The following DHX34 variants were observed in gnomAD, a reference collection of about 807,000 sequenced individuals.
DHX34 encodes DExH-box helicase 34, also known as probable ATP-dependent RNA helicase DHX34.
A neutral mutation model predicts 111.1 loss-of-function variants in DHX34; 96 were observed. The ratio of observed to expected loss-of-function variants is 0.86; its 90% confidence interval spans 0.73 to 1.02. The LOEUF is 1.02. Among genes scored for constraint, DHX34 ranks in the 50% least tolerant of loss-of-function variants. The probability of loss-of-function intolerance (pLI) is 0.00; values close to 1 mark genes in which losing one functional copy is unlikely to be tolerated. For missense variants in DHX34, 1,560 were observed against 1,579.9 expected, an observed-to-expected ratio of 0.99 and a Z score of 0.21; for synonymous variants, 688 against 670.4, an observed-to-expected ratio of 1.03 and a Z score of -0.41.
chr19:47,373,730 C>T, intron 9 of DHX34, 30 bp downstream of exon 9: 1 of 1,604,572 alleles, frequency 6.2e-7, no homozygotes, highest in Non-Finnish European at 8.5e-7. Context: ...GTAAGGCCGG[C>T]CCCACTCAGG....
At chr19:47,372,952 T>G (rs2122322333) in intron 8 of DHX34, 29 bp downstream of exon 8, 1 of 1,373,736 alleles carries the variant, frequency 7.3e-7, no homozygotes, top group Non-Finnish European at 9.6e-7. Flanking sequence ...GCCCTCTGTC[T>G]GTCACCCTGC....
At chr19:47,380,768 C>T in intron 14 of DHX34, 48 bp from the exon 15 acceptor site, 1 of 1,608,500 alleles carries the variant, frequency 6.2e-7, no homozygotes, top group Non-Finnish European at 8.5e-7. Context: ...GCTTTGGCGG[C>T]ATCTCCCTGA....
Position 47,382,422 on chromosome 19 carries a change from C to A in DHX34, c.*309C>A. On this transcript the variant is annotated 3_prime_UTR_variant, in exon 17 of 17. Transcript: ENST00000328771. ...GAGGGGCGTTAGAGCCAGCAGGGAC[C>A]TCCCATGTCTCCAGATTCCAGGTGC... 3.1e-6 allele frequency: 1 copy of A among 321,982 alleles called. No homozygotes were observed. The highest frequency in any genetic ancestry group is 5.8e-6 in the Non-Finnish European group (1 of 172,826). 19.9% of individuals were successfully genotyped at this position (321,982 alleles called of 1,614,324 possible). A position where few individuals can be genotyped will look rare whatever the true frequency, so the allele number is the denominator to read the frequency against.
intron 12 of DHX34, chr19:47,376,783 C>T (rs953864875): frequency 6.7e-7 from 1 of 1,488,142 alleles, no homozygotes; most frequent in African/African-American, 1.4e-5. Flanking sequence ...TCAACCTAAG[C>T]CAGTGTGGCT....
At chr19:47,359,468 A>G (rs1475628349) in intron 4 of DHX34, among the ~76,000 whole-genome samples, 1 of 151,232 alleles carries the variant, frequency 6.6e-6, no homozygotes, top group African/African-American at 2.4e-5. Context: ...TCTCAAAAAA[A>G]AAAAAAAAAG....
Position 47,359,449 on chromosome 19 carries a change from G to A in DHX34, c.1273-519G>A, listed in dbSNP as rs560127540. 2.7e-5 allele frequency among the ~76,000 whole-genome samples: 4 copies of A among 149,426 alleles called. No individual in the cohort carries two copies. In the East Asian group the frequency reaches 8.0e-4, roughly 30 times the overall value. On this transcript the variant is annotated intron_variant, in intron 4 of 16. Transcript: ENST00000328771. The stretch of plus-strand genomic sequence containing the variant: ...TGCACTCCATTGTAGGCCACAGAGT[G>A]GGATCCTGTCTCAAAAAAAAAAAAA...
Position 47,379,695 on chromosome 19 carries a change from C to T in DHX34, c.2707-15C>T, listed in dbSNP as rs761005952. On this transcript the variant is annotated splice_polypyrimidine_tract_variant and intron_variant, in intron 13 of 16. Coordinates refer to ENST00000328771, the MANE Select transcript of DHX34 (RefSeq NM_014681.6). ...CCTCCCACCTACTCCCTGTCTTCTG[C>T]CCCCTCTCTTTCAGTCCCTCCTGCT... The T allele has an allele frequency of 3.2e-6, 5 of 1,584,258 alleles. No homozygotes were observed. Among genetic ancestry groups the T allele is most frequent in the Non-Finnish European group, 4.3e-6 (5 of 1,157,994 alleles).
rs191807998 is a variant in DHX34 at position 47,381,496 on chromosome 19, G to A, written c.3298+172G>A. On this transcript the variant is annotated intron_variant, in intron 16 of 16. Coordinates refer to ENST00000328771, the MANE Select transcript of DHX34 (RefSeq NM_014681.6). ...TTGTCCTGAAGATCAGGAGCCCAAG[G>A]CAGGGAGAGCCTGGAGCGCCACCTC... 3.3e-5 allele frequency: 32 copies of A among 973,704 alleles called. No individual in the cohort carries two copies. The Admixed American group carries it at 8.6e-4, about 26-fold the overall frequency. 60.3% of individuals were successfully genotyped at this position (973,704 alleles called of 1,614,324 possible). A position where few individuals can be genotyped will look rare whatever the true frequency, so the allele number is the denominator to read the frequency against.
intron 6 of DHX34, among the ~76,000 whole-genome samples, chr19:47,366,010 G>A (rs1969776392): frequency 6.6e-6 from 1 of 152,154 alleles, no homozygotes; most frequent in South Asian, 2.1e-4. Context: ...TGCTGTAGGT[G>A]GGCCCATTTC....
intron 3 of DHX34, 43 bp from the exon 4 acceptor site, chr19:47,357,823 G>T: frequency 6.3e-7 from 1 of 1,588,350 alleles, no homozygotes. Flanking sequence ...GCTCTGAGCT[G>T]GAGGGACAGG....
At chr19:47,376,222 C>T (rs1286027186) in intron 11 of DHX34, 125 bp downstream of exon 11, 7 of 1,442,520 alleles carry the variant, frequency 4.9e-6, no homozygotes, top group African/African-American at 1.4e-5. Context: ...GGGCTCACAA[C>T]CCAGTGGGAG....
Position 47,374,618 on chromosome 19 carries a change from T to C in DHX34, c.2065-848T>C, listed in dbSNP as rs113010316. Among the ~76,000 whole-genome samples, 188 of 152,156 alleles carry C rather than the reference T, an allele frequency of 1.2e-3. 1 individual carries two copies. Among genetic ancestry groups the C allele is most frequent in the African/African-American group, 4.3e-3 (179 of 41,516 alleles). ...CCTGGTGTAATCCATTCTGTTTGGT[T>C]GGAGATGGGCAAGCTGAGGCCCAGA... On this transcript the variant is annotated intron_variant, in intron 9 of 16. Transcript: ENST00000328771.
At position 47,362,682 on chromosome 19, in the gene DHX34, T is replaced by C. The variant is rs112194942; in HGVS notation, c.1582T>C (p.Leu528=). The C allele has an allele frequency of 5.1e-4, 825 of 1,612,190 alleles. 1 individual carries two copies. In the African/African-American group the frequency reaches 9.9e-3, roughly 19 times the overall value. Residue 528 remains leucine (L), a synonymous_variant, in exon 6 of 17, where the codon TTG becomes CTG. Coordinates refer to ENST00000328771, the MANE Select transcript of DHX34 (RefSeq NM_014681.6). The part of the protein sequence containing the change: ...PEIRRVALDS[L]VLQMKSMSVG... ...AATTCGGAGGGTGGCCCTGGACTCG[T>C]TGGTGCTGCAGGTGAGGCATGGGCA...
At chr19:47,381,837 G>T in intron 16 of DHX34, 143 bp from the exon 17 acceptor site, 1 of 1,482,412 alleles carries the variant, frequency 6.7e-7, no homozygotes. Context: ...TTATTAATCT[G>T]GGAGGGCTTC....
intron 13 of DHX34, among the ~76,000 whole-genome samples, chr19:47,379,346 G>A (rs967901028): frequency 1.3e-5 from 2 of 152,050 alleles, no homozygotes; most frequent in Admixed American, 6.6e-5. Context: ...TAATTACAGC[G>A]CTGACTTCCG....
At position 47,382,087 on chromosome 19, in the gene DHX34, C is replaced by T. The variant is rs1311377167; in HGVS notation, c.3406C>T (p.Leu1136=). 1 of 1,614,070 alleles carries T rather than the reference C, an allele frequency of 6.2e-7. No individual in the cohort carries two copies. The change falls in exon 17 of 17, where the codon CTG becomes TTG. Residue 1136 remains leucine (L), a synonymous_variant. Transcript: ENST00000328771. ...CTTCCTCTTTACACCCACAGAGGTG[C>T]TGCGCCACCGGAAGCAGCACGTGTG... The part of the protein sequence containing the change: ...KDFLFTPTEV[L]RHRKQHV
chr19:47,372,738 C>A lies in DHX34; in HGVS notation c.1777C>A (p.Leu593Met), dbSNP rs760381927. The A allele has an allele frequency of 2.5e-6, 4 of 1,605,034 alleles. No homozygotes were observed. The highest frequency in any genetic ancestry group is 3.4e-4 in the Middle Eastern group (2 of 5,966). The change falls in exon 8 of 17, where the codon CTG (leucine) becomes ATG (methionine). Residue 593 changes from leucine to methionine, a missense_variant. Physicochemically the swap from Leu to Met is conservative, Grantham distance 15. Transcript: ENST00000328771. The part of the protein sequence containing the change: ...LPVDVVIGKM[L>M]ILGSMFSLVE... ...CGTGTCCGCCGCTGCAGGGAAGATG[C>A]TGATCCTGGGCTCCATGTTCAGCCT...
rs1411214108 is a variant in DHX34, at chr19:47,375,588, G to A, written c.2187G>A (p.Glu729=). The A allele has an allele frequency of 2.6e-6, 4 of 1,546,398 alleles. No individual in the cohort carries two copies. The highest frequency in any genetic ancestry group is 1.2e-5 in the South Asian group (1 of 84,912). The change falls in exon 10 of 17, where the codon GAG becomes GAA. Residue 729 remains glutamate (E), a synonymous_variant. Transcript: ENST00000328771. ...RALHQLKRQH[E]EGAGRRRKVL... ...TGCACCAGCTGAAACGCCAGCACGA[G>A]GAGGGCGCGGGGCGCAGGCGCAAGG...
chr19:47,369,339 A>G (rs936486120), intron 7 of DHX34, among the ~76,000 whole-genome samples: 1 of 152,116 alleles, frequency 6.6e-6, no homozygotes, highest in Non-Finnish European at 1.5e-5. Flanking sequence ...TCAAGGTTTC[A>G]CCATGTCGGC....
Sources: gnomAD v4.1 joint callset for allele counts (sites outside exome capture counted in the v4.1 genomes callset) on GRCh38, gnomAD v4.1.1 for gene constraint, MANE v1.5 for transcripts, NCBI Gene and HGNC (gene_info 2026-07-23, HGNC 2026-07-21) for gene names.